The following NRK variants were observed in gnomAD, a reference collection of about 807,000 sequenced individuals.
NRK encodes the protein Nik related kinase.
NRK carries 67 observed loss-of-function variants against 125.2 expected under a neutral mutation model. The ratio of observed to expected loss-of-function variants is 0.54; its 90% CI spans 0.44 to 0.66. NRK has a LOEUF of 0.66. Ranked by LOEUF, NRK falls within the 30% of genes least tolerant of loss-of-function variation. NRK has a pLI of 0.00. For synonymous variants in NRK, 458 were observed against 429.0 expected (o/e 1.07, Z -0.84); for missense variants, 1,224 against 1,192.9 (o/e 1.03, Z -0.38).
intron 2 of NRK, among the ~76,000 whole-genome samples, chrX:105,855,653 A>G (rs931847232): frequency 1.8e-5 from 2 of 111,876 alleles, no homozygotes; most frequent in African/African-American, 6.5e-5. Flanking sequence ...GGACCTATAG[A>G]TATTTGGAGA....
At position 105,921,998 on chromosome X, in the gene NRK, A is replaced by C; in HGVS notation, c.2547A>C (p.Gly849=). 8.5e-7 allele frequency: 1 copy of C among 1,180,758 alleles called. No individual in the cohort carries two copies. The highest frequency in any genetic ancestry group is 1.1e-6 in the Non-Finnish European group (1 of 869,630). Residue 849 remains glycine, a synonymous_variant, in exon 17 of 29, where the codon GGA becomes GGC. Coordinates refer to ENST00000243300, the MANE Select transcript of NRK (RefSeq NM_198465.4). ...CTGAGGAAGAAAGTCCTGTGACTGG[A>C]AGGAGGTCTCAGTCATCACCACCTT... ...SSSEEESPVT[G]RRSQSSPPYS... is the part of the protein sequence containing the mutation.
chrX:105,873,663 T>C (rs1277020952), intron 2 of NRK, among the ~76,000 whole-genome samples: 3 of 111,942 alleles, frequency 2.7e-5, no homozygotes, highest in Non-Finnish European at 5.6e-5. Flanking sequence ...CTTTTTCCTT[T>C]CTTCCCTTCT....
intron 16 of NRK, 24 bp downstream of exon 16, chrX:105,917,696 G>T (rs751494391): frequency 1.1e-6 from 1 of 873,181 alleles, no homozygotes; most frequent in South Asian, 2.5e-5. Context: ...CAAAATTTTA[G>T]CAGGCAAAAC....
chrX:105,888,610 G>A (rs2039977957), intron 5 of NRK, among the ~76,000 whole-genome samples, 191 bp downstream of exon 5: 1 of 111,113 alleles, frequency 9.0e-6, no homozygotes, highest in Non-Finnish European at 1.9e-5. Context: ...TTTGCCATTA[G>A]ACATACCCGA....
Position 105,945,932 on chromosome X carries a change from C to T in NRK, c.4120C>T (p.Arg1374Ter), listed in dbSNP as rs768058273. 28 of 1,204,666 alleles carry T rather than the reference C, an allele frequency of 2.3e-5. No individual in the cohort carries two copies. The highest frequency in any genetic ancestry group is 5.9e-5 in the East Asian group (2 of 33,727). ...CTACATGTCCTATCAAGCCTATATA[C>T]GAATACTGGCAAAAATACAGGCAGC... Reference protein sequence around the residue: ...GDYMSYQAYIRILAKIQAADP... With the variant: ...GDYMSYQAYI Residue 1374 changes from arginine to a stop codon, truncating the protein, a stop_gained, in exon 25 of 29, where the codon CGA becomes TGA. Transcript: ENST00000243300. LOFTEE classifies it high-confidence loss of function.
intron 19 of NRK, among the ~76,000 whole-genome samples, chrX:105,926,915 G>A (rs1270218701): frequency 1.8e-5 from 2 of 111,187 alleles, no homozygotes; most frequent in Non-Finnish European, 3.8e-5. Context: ...CTGATATTGT[G>A]ATGCCTCTAG....
chrX:105,889,328 C>T (rs2039987004), intron 5 of NRK, among the ~76,000 whole-genome samples: 1 of 78,657 alleles, frequency 1.3e-5, no homozygotes, highest in African/African-American at 5.0e-5. Flanking sequence ...GCCAACTCTG[C>T]CTCTGTGGCT....
chrX:105,931,891 T>C (rs977746229), intron 19 of NRK, among the ~76,000 whole-genome samples: 1 of 111,900 alleles, frequency 8.9e-6, no homozygotes, highest in East Asian at 2.8e-4. Flanking sequence ...CATTTTTAAG[T>C]GTACAAACCA....
At chrX:105,886,922 TA>T (rs1209051086) in intron 4 of NRK, among the ~76,000 whole-genome samples, 1 of 111,102 alleles carries the variant, frequency 9.0e-6, no homozygotes, top group Non-Finnish European at 1.9e-5. Flanking sequence ...ACTTTTACTT[TA>T]TATAAAAGTT....
Position 105,869,307 on chromosome X carries a change from A to G in NRK, c.124-10892A>G, listed in dbSNP as rs2039711962. 4.5e-5 allele frequency among the ~76,000 whole-genome samples: 5 copies of G among 111,647 alleles called. No homozygotes were observed. In the South Asian group the frequency reaches 1.9e-3, roughly 42 times the overall value. ...GTTAGAGGTAAATTGATATTGATAG[A>G]AGATGTCCTTTTGTTCTCTCATGTC... On this transcript the variant is annotated intron_variant, in intron 2 of 28. Coordinates refer to ENST00000243300, the MANE Select transcript of NRK (RefSeq NM_198465.4).
rs189024397 is a variant in NRK at position 105,955,972 on chromosome X, G to T, written c.*372G>T. 91 of 117,110 alleles carry T rather than the reference G, an allele frequency of 7.8e-4. 1 individual carries two copies. The highest frequency in any genetic ancestry group is 2.8e-4 in the Non-Finnish European group (16 of 56,834). 9.7% of individuals were successfully genotyped at this position (117,110 alleles called of 1,213,427 possible). On this transcript the variant is annotated 3_prime_UTR_variant, in exon 29 of 29. Coordinates refer to ENST00000243300, the MANE Select transcript of NRK (RefSeq NM_198465.4). ...CAGCCTTCAAAAGAATTGGCACTGG[G>T]ATAAGATTTTTCAGAAAAAGAAAAA...
intron 4 of NRK, among the ~76,000 whole-genome samples, 174 bp downstream of exon 4, chrX:105,881,953 C>A (rs1342429581): frequency 9.0e-6 from 1 of 111,122 alleles, no homozygotes; most frequent in Non-Finnish European, 1.9e-5. Context: ...ATTCAATCAT[C>A]ATATATGAGC....
intron 2 of NRK, among the ~76,000 whole-genome samples, chrX:105,872,962 A>G (rs139567776): frequency 8.4e-4 from 93 of 111,099 alleles, no homozygotes; most frequent in African/African-American, 2.7e-3. Context: ...TTTGTTTGCT[A>G]TGAGAAAGCT....
chrX:105,896,920 A>G (rs2040091424), intron 7 of NRK, among the ~76,000 whole-genome samples: 1 of 111,982 alleles, frequency 8.9e-6, no homozygotes, highest in African/African-American at 3.3e-5. Context: ...AATACGCAGG[A>G]TAGATAGTTA....
chrX:105,843,042 T>A (rs950040202), intron 2 of NRK, among the ~76,000 whole-genome samples: 4 of 111,560 alleles, frequency 3.6e-5, no homozygotes, highest in Non-Finnish European at 7.5e-5. Flanking sequence ...GTTCATGAAT[T>A]TCTTTAAGGG....
chrX:105,836,873 A>G (rs2039272800), intron 2 of NRK, among the ~76,000 whole-genome samples: 1 of 112,319 alleles, frequency 8.9e-6, no homozygotes, highest in African/African-American at 3.2e-5. Flanking sequence ...TATCAAAACA[A>G]TATACATATA....
chrX:105,921,143 A>T (rs1462864712), intron 16 of NRK, among the ~76,000 whole-genome samples: 7 of 106,314 alleles, frequency 6.6e-5, no homozygotes, highest in Non-Finnish European at 1.4e-4. Context: ...ATGGAATACT[A>T]TGCAGCCATA....
intron 22 of NRK, among the ~76,000 whole-genome samples, chrX:105,939,510 C>G (rs920556754): frequency 9.0e-6 from 1 of 111,175 alleles, no homozygotes; most frequent in African/African-American, 3.3e-5. Flanking sequence ...CTACCAGGGA[C>G]AGCTTTTAGG....
intron 22 of NRK, among the ~76,000 whole-genome samples, chrX:105,937,787 G>T (rs182949507): frequency 2.7e-5 from 3 of 111,332 alleles, no homozygotes; most frequent in East Asian, 5.7e-4. Context: ...ACCTAACCTA[G>T]GTTACTGATA....
Sources: allele counts gnomAD v4.1 joint callset (sites outside exome capture counted in the v4.1 genomes callset), GRCh38; gene constraint gnomAD v4.1.1; transcripts MANE v1.5; gene names NCBI Gene and HGNC (gene_info 2026-07-23, HGNC 2026-07-21).